Variants in TNS3 observed in about 807,000 individuals in gnomAD.
TNS3 encodes the protein tensin-3.
Under a neutral mutation model 140.9 loss-of-function variants are expected in TNS3, and 45 were observed. The observed-to-expected ratio is 0.32, with a 90% confidence interval of 0.25 to 0.41. The LOEUF (loss-of-function observed/expected upper bound fraction) is 0.41, where lower values mean the gene tolerates loss of function less well. TNS3 is among the 10% of genes least tolerant of loss of function. The pLI, the probability that TNS3 is intolerant of heterozygous loss-of-function variation, is 1.00. For synonymous variants in TNS3, 815 were observed against 788.4 expected (o/e 1.03, Z -0.56); for missense variants, 1,716 against 1,906.7 (o/e 0.90, Z 1.86).
chr7:47,464,961 T>C (rs1262957658), intron 4 of TNS3, among the ~76,000 whole-genome samples: 1 of 152,226 alleles, frequency 6.6e-6, no homozygotes, highest in Non-Finnish European at 1.5e-5. Context: ...TGAATCACAA[T>C]CTGTGCTCAC....
chr7:47,308,088 A>G (rs192145182), intron 20 of TNS3, among the ~76,000 whole-genome samples: 280 of 152,376 alleles, frequency 1.8e-3, no homozygotes, highest in Non-Finnish European at 3.4e-3. Context: ...AACTATAAAC[A>G]TAAGCCTATG....
intron 1 of TNS3, among the ~76,000 whole-genome samples, chr7:47,544,712 G>A (rs1275104604): frequency 6.6e-6 from 1 of 152,036 alleles, no homozygotes; most frequent in East Asian, 1.9e-4. Context: ...CAGACCTACT[G>A]CTACCAATGG....
At chr7:47,297,359 G>A in intron 23 of TNS3, 146 bp from the exon 24 acceptor site, 3 of 963,918 alleles carry the variant, frequency 3.1e-6, no homozygotes, top group Non-Finnish European at 4.5e-6. Flanking sequence ...TGCTTGGCTG[G>A]AAGAACTACA....
intron 1 of TNS3, among the ~76,000 whole-genome samples, chr7:47,536,083 G>C (rs1488826313): frequency 6.6e-6 from 1 of 152,200 alleles, no homozygotes; most frequent in African/African-American, 2.4e-5. Context: ...CAGCCCACAG[G>C]GGGCCGGTAT....
intron 8 of TNS3, among the ~76,000 whole-genome samples, chr7:47,433,687 G>A (rs1202959040): frequency 1.3e-5 from 2 of 152,168 alleles, no homozygotes; most frequent in Non-Finnish European, 2.9e-5. Context: ...CCTAGAACCT[G>A]CACTTTCCAC....
rs774898290 is a variant in TNS3 at position 47,368,570 on chromosome 7, G to C, written c.2076C>G (p.Thr692=). The change falls in exon 17 of 31, where the codon ACC becomes ACG. Residue 692 remains threonine (T), a synonymous_variant. Coordinates refer to ENST00000311160, the MANE Select transcript of TNS3 (RefSeq NM_022748.12). ...LSTGPSPGSP[T]LDIDQSIEQL... Reference sequence around the variant, plus strand: ...GCTCGATGGACTGGTCGATGTCCAGGGTGGGCGAGCCTGGGGAGGGGCCTG... The same window carrying C: ...GCTCGATGGACTGGTCGATGTCCAGCGTGGGCGAGCCTGGGGAGGGGCCTG... 75 of 1,569,336 alleles carry C rather than the reference G, an allele frequency of 4.8e-5. 1 individual carries two copies. The Middle Eastern group carries it at 1.2e-3, about 25-fold the overall frequency.
At chr7:47,390,601 C>T (rs908511375) in intron 16 of TNS3, among the ~76,000 whole-genome samples, 11 of 152,318 alleles carry the variant, frequency 7.2e-5, no homozygotes, top group East Asian at 1.9e-4. Context: ...GGCAATGCCA[C>T]GGCCCTCGTC....
At chr7:47,367,717 C>T (rs965096054) in intron 17 of TNS3, among the ~76,000 whole-genome samples, 3 of 152,204 alleles carry the variant, frequency 2.0e-5, no homozygotes, top group Non-Finnish European at 4.4e-5. Flanking sequence ...TTCCCCCAAG[C>T]CCCTCCCATC....
intron 12 of TNS3, among the ~76,000 whole-genome samples, chr7:47,413,519 C>T (rs1004452464): frequency 1.3e-5 from 2 of 151,786 alleles, no homozygotes; most frequent in African/African-American, 4.8e-5. Flanking sequence ...ACGGGTAGAT[C>T]ACTTGAGGTC....
intron 3 of TNS3, among the ~76,000 whole-genome samples, chr7:47,496,530 T>C (rs752081930): frequency 6.6e-6 from 1 of 152,170 alleles, no homozygotes; most frequent in Non-Finnish European, 1.5e-5. Context: ...ATCAGCCCGC[T>C]GCACCCCCAG....
intron 1 of TNS3, among the ~76,000 whole-genome samples, chr7:47,575,494 T>C (rs1800653313): frequency 6.6e-6 from 1 of 152,094 alleles, no homozygotes; most frequent in South Asian, 2.1e-4. Flanking sequence ...AACTATTTTG[T>C]AGAAAAATAG....
chr7:47,302,106 C>T lies in TNS3; in HGVS notation c.3544+80G>A, dbSNP rs561098754. On this transcript the variant is annotated intron_variant, in intron 23 of 30. Coordinates refer to ENST00000311160, the MANE Select transcript of TNS3 (RefSeq NM_022748.12). ...GGCCACGGCTGCCCGATGTTCCCAC[C>T]GCAGGGCCCATCTTCACACAAGGCA... 6.1e-5 allele frequency: 74 copies of T among 1,217,024 alleles called. 2 individuals carry two copies. In the South Asian group the frequency reaches 7.5e-4, roughly 12 times the overall value. The allele number at this position is 1,217,024 out of a possible 1,614,324, so 75.4% of individuals were successfully genotyped here.
At chr7:47,446,688 CTTT>C (rs144042398) in intron 4 of TNS3, among the ~76,000 whole-genome samples, 28 of 96,716 alleles carry the variant, frequency 2.9e-4, no homozygotes, top group East Asian at 1.6e-3. Flanking sequence ...TCCAGGCTGC[CTTT>C]TTTTTTTTTT....
chr7:47,578,382 A>C (rs760801404), intron 1 of TNS3, among the ~76,000 whole-genome samples: 17 of 152,318 alleles, frequency 1.1e-4, no homozygotes, highest in Admixed American at 7.8e-4. Context: ...AGGCATTCCG[A>C]GGGACCCTAA....
intron 3 of TNS3, among the ~76,000 whole-genome samples, chr7:47,498,519 A>G (rs1191925237): frequency 6.6e-6 from 1 of 152,228 alleles, no homozygotes; most frequent in Admixed American, 6.5e-5. Flanking sequence ...TTCATCTGTT[A>G]CAACACAATG....
At chr7:47,537,249 G>A (rs1799634758) in intron 1 of TNS3, among the ~76,000 whole-genome samples, 1 of 152,112 alleles carries the variant, frequency 6.6e-6, no homozygotes, top group Non-Finnish European at 1.5e-5. Context: ...CACGGGAGGG[G>A]CCAAGGGCTC....
chr7:47,580,503 A>T (rs1440991584), intron 1 of TNS3, among the ~76,000 whole-genome samples: 2 of 151,450 alleles, frequency 1.3e-5, no homozygotes, highest in Non-Finnish European at 2.9e-5. Context: ...TTCCCTGTGT[A>T]CACACCCCCC....
chr7:47,475,280 AG>A (rs1326260420), intron 4 of TNS3, among the ~76,000 whole-genome samples: 15 of 152,238 alleles, frequency 9.9e-5, no homozygotes, highest in African/African-American at 3.6e-4. Context: ...AGGTGAACCA[AG>A]AGAAGCACCG....
At chr7:47,572,126 T>C (rs1045746197) in intron 1 of TNS3, among the ~76,000 whole-genome samples, 1 of 152,206 alleles carries the variant, frequency 6.6e-6, no homozygotes, top group Admixed American at 6.5e-5. Context: ...GCTGAGCTGA[T>C]GTGGAATGGG....
Sources: gnomAD v4.1 joint callset for allele counts (sites outside exome capture counted in the v4.1 genomes callset) on GRCh38, gnomAD v4.1.1 for gene constraint, MANE v1.5 for transcripts, NCBI Gene and HGNC (gene_info 2026-07-23, HGNC 2026-07-21) for gene names.